The following RNH1 variants were observed in gnomAD, a reference collection of about 807,000 sequenced individuals.
The protein encoded by RNH1 is ribonuclease/angiogenin inhibitor 1.
Under a neutral mutation model 46.1 loss-of-function variants are expected in RNH1, and 38 were observed. The ratio of observed to expected loss-of-function variants is 0.82; its 90% CI spans 0.64 to 1.08. RNH1 has a LOEUF of 1.08. Among genes scored for constraint, RNH1 ranks in the 50% least tolerant of loss-of-function variants. RNH1 has a pLI of 0.00. For missense variants in RNH1, 577 were observed against 590.7 expected (o/e 0.98, Z 0.24); for synonymous variants, 319 against 279.1 (o/e 1.14, Z -1.43).
At chr11:500,114 C>T in intron 4 of RNH1, 115 bp from the exon 5 acceptor site, 5 of 1,232,146 alleles carry the variant, frequency 4.1e-6, no homozygotes, top group Non-Finnish European at 4.4e-6. Flanking sequence ...TATACCTGCT[C>T]CTTCCCTGGA....
intron 9 of RNH1, among the ~76,000 whole-genome samples, chr11:497,727 TCA>T (rs907165969): frequency 6.1e-5 from 9 of 148,572 alleles, no homozygotes; most frequent in Non-Finnish European, 1.2e-4. Context: ...GCCCATGTGC[TCA>T]CACACGGACC....
intron 9 of RNH1, among the ~76,000 whole-genome samples, chr11:495,834 C>T (rs530968871): frequency 5.5e-4 from 83 of 152,280 alleles, no homozygotes; most frequent in African/African-American, 1.8e-3. Context: ...CCAGGGCTCC[C>T]GGGCCTCACT....
rs557796871 is a variant in RNH1 at position 496,350 on chromosome 11, A to G, written c.1128-1297T>C. 2.4e-4 allele frequency among the ~76,000 whole-genome samples: 37 copies of G among 152,290 alleles called. No homozygotes were observed. The South Asian group carries it at 7.5e-3, about 31-fold the overall frequency. On this transcript the variant is annotated intron_variant, in intron 9 of 10. Coordinates refer to ENST00000354420, the MANE Select transcript of RNH1 (RefSeq NM_203387.3). ...ATAGTTCAAGACCAGCCTGCCCAAC[A>G]TGGTGAAACCCCATCTCTACTAAAA... is the stretch of plus-strand genomic sequence containing the variant.
chr11:503,911 T>G (rs1312397544), intron 2 of RNH1, among the ~76,000 whole-genome samples: 1 of 152,084 alleles, frequency 6.6e-6, no homozygotes, highest in African/African-American at 2.4e-5. Flanking sequence ...GAGGACCCCA[T>G]GAAAATGCGG....
chr11:501,099 G>A lies in RNH1; in HGVS notation c.102-445C>T. 3.0e-6 allele frequency: 1 copy of A among 330,068 alleles called. No individual in the cohort carries two copies. Among genetic ancestry groups the A allele is most frequent in the Non-Finnish European group, 5.9e-6 (1 of 168,380 alleles). The allele number at this position is 330,068 out of a possible 1,614,324, so 20.4% of individuals were successfully genotyped here. ...CCATGAGGGAGCCACTCCAGCCTGG[G>A]TGACAGAGCAATGCCCTGTCTCTAA... is the stretch of plus-strand genomic sequence containing the variant. On this transcript the variant is annotated intron_variant, in intron 3 of 10. Transcript: ENST00000354420. This position sits in a 1 kb window ranked among gnomAD's most constrained non-coding sequence, Gnocchi z 4.1.
chr11:497,932 T>G (rs1565021260), intron 9 of RNH1, 39 bp downstream of exon 9: 9 of 1,589,760 alleles, frequency 5.7e-6, no homozygotes, highest in Non-Finnish European at 6.9e-6. Flanking sequence ...GGGCATATGA[T>G]CTCCCAAATG....
intron 3 of RNH1, 192 bp from the exon 4 acceptor site, chr11:500,846 T>C (rs1849687398): frequency 1.3e-6 from 1 of 750,096 alleles, no homozygotes; most frequent in African/African-American, 1.7e-5. Flanking sequence ...TGCTCGCACG[T>C]GGCCAGGCGC....
At position 502,920 on chromosome 11, in the gene RNH1, C is replaced by G. The variant is rs1187546545; in HGVS notation, c.-87-671G>C. 1 of 152,352 alleles carries G rather than the reference C, an allele frequency of 6.6e-6. No homozygotes were observed. Among genetic ancestry groups the G allele is most frequent in the African/African-American group, 2.4e-5 (1 of 41,422 alleles). The allele number at this position is 152,352 out of a possible 1,614,324, so 9.4% of individuals were successfully genotyped here. A position where few individuals can be genotyped will look rare whatever the true frequency, so the allele number is the denominator to read the frequency against. On this transcript the variant is annotated intron_variant, in intron 2 of 10. Transcript: ENST00000354420. The surrounding 1 kb of genome is among the most constrained non-coding windows in gnomAD (Gnocchi z 5.8). Reference sequence around the variant, plus strand: ...ACAGCTGCTACACCCTGAAGCCTCCCCAGGCACAGGCCCTGAATATGGAAG... The same window carrying G: ...ACAGCTGCTACACCCTGAAGCCTCCGCAGGCACAGGCCCTGAATATGGAAG...
Position 502,152 on chromosome 11 carries a change from T to G in RNH1, c.11A>C (p.Asp4Ala). The G allele has an allele frequency of 6.3e-7, 1 of 1,598,676 alleles. No homozygotes were observed. Among genetic ancestry groups the G allele is most frequent in the Non-Finnish European group, 8.5e-7 (1 of 1,170,812 alleles). Reference sequence around the variant, plus strand: ...ACACTGGATGTCCAGGCTCTGGATGTCCAGGCTCATGGTGGAGGTGAAGAG... The same window carrying G: ...ACACTGGATGTCCAGGCTCTGGATGGCCAGGCTCATGGTGGAGGTGAAGAG... MSL[D>A]IQSLDIQCEE... Residue 4 changes from aspartate (D) to alanine (A), a missense_variant, in exon 3 of 11, where the codon GAC (aspartate) becomes GCC (alanine). By Grantham distance (126) the Asp-to-Ala change is moderately radical. Coordinates refer to ENST00000354420, the MANE Select transcript of RNH1 (RefSeq NM_203387.3). This position sits in a 1 kb window ranked among gnomAD's most constrained non-coding sequence, Gnocchi z 5.8.
chr11:498,673 G>A (rs761051871), intron 7 of RNH1, 46 bp from the exon 8 acceptor site: 2 of 1,605,482 alleles, frequency 1.2e-6, no homozygotes, highest in Non-Finnish European at 1.7e-6. Context: ...ACCGTCTCAT[G>A]GCCTGAGATG....
In RNH1 at chr11:501,954, T is replaced by C. The variant is rs1268045697; in HGVS notation, c.101+108A>G. The C allele has an allele frequency of 5.8e-6, 4 of 688,580 alleles. No individual in the cohort carries two copies. The highest frequency in any genetic ancestry group is 1.0e-5 in the Non-Finnish European group (4 of 389,524). The allele number at this position is 688,580 out of a possible 1,614,324, so 42.7% of individuals were successfully genotyped here. A position where few individuals can be genotyped will look rare whatever the true frequency, so the allele number is the denominator to read the frequency against. Reference sequence around the variant, plus strand: ...CGTGGTAGCTGCACAGAATTCATACTTCATGTCCACAAACAAGGCGTTCCA... The same window carrying C: ...CGTGGTAGCTGCACAGAATTCATACCTCATGTCCACAAACAAGGCGTTCCA... On this transcript the variant is annotated intron_variant, in intron 3 of 10. Coordinates refer to ENST00000354420, the MANE Select transcript of RNH1 (RefSeq NM_203387.3). The surrounding 1 kb of genome is among the most constrained non-coding windows in gnomAD (Gnocchi z 4.1).
chr11:497,840 C>T, intron 9 of RNH1, 131 bp downstream of exon 9: 2 of 1,128,774 alleles, frequency 1.8e-6, no homozygotes, highest in Non-Finnish European at 2.5e-6. Flanking sequence ...CTCACACTCG[C>T]CTCACCCATG....
At chr11:504,697 AGCC>A (rs1850105533) in intron 2 of RNH1, 124 bp downstream of exon 2, 1 of 152,320 alleles carries the variant, frequency 6.6e-6, no homozygotes, top group Admixed American at 6.5e-5. Flanking sequence ...TCCACCGTAC[AGCC>A]GCCTTCCCCC....
intron 2 of RNH1, chr11:503,420 G>C (rs1403245264): frequency 6.6e-6 from 1 of 152,348 alleles, no homozygotes; most frequent in Non-Finnish European, 1.5e-5. Flanking sequence ...GTACCAACTG[G>C]GAGGAAAGAC....
rs778180719 is a variant in RNH1, at chr11:498,439, C to T, written c.956+18G>A. The T allele has an allele frequency of 5.6e-6, 9 of 1,610,232 alleles. 1 individual carries two copies. Among genetic ancestry groups the T allele is most frequent in the Middle Eastern group, 3.3e-4 (2 of 6,082 alleles). ...CCTCTCTTGGGCGACAGGGCCCTGCCCCGACAGCCACACTCACCACAGCGA... is the reference window on the plus strand; with the variant it reads ...CCTCTCTTGGGCGACAGGGCCCTGCTCCGACAGCCACACTCACCACAGCGA... On this transcript the variant is annotated intron_variant, in intron 8 of 10. Coordinates refer to ENST00000354420, the MANE Select transcript of RNH1 (RefSeq NM_203387.3).
At position 501,686 on chromosome 11, in the gene RNH1, C is replaced by A; in HGVS notation, c.101+376G>T. 4.2e-6 allele frequency: 1 copy of A among 235,922 alleles called. No individual in the cohort carries two copies. Among genetic ancestry groups the A allele is most frequent in the Non-Finnish European group, 8.4e-6 (1 of 119,566 alleles). The allele number at this position is 235,922 out of a possible 1,614,324, so 14.6% of individuals were successfully genotyped here. ...TTGTGAGGACCTCGAGGGCCGAGGACTCCCAGCCCCCAGCTTGGCAGGGAC... is the reference window on the plus strand; with the variant it reads ...TTGTGAGGACCTCGAGGGCCGAGGAATCCCAGCCCCCAGCTTGGCAGGGAC... On this transcript the variant is annotated intron_variant, in intron 3 of 10. Coordinates refer to ENST00000354420, the MANE Select transcript of RNH1 (RefSeq NM_203387.3). The surrounding 1 kb of genome is among the most constrained non-coding windows in gnomAD (Gnocchi z 4.1).
chr11:499,160 C>T lies in RNH1; in HGVS notation c.469G>A (p.Ala157Thr), dbSNP rs1219823177. ...ACGGAGGCCAGGGGCTCGCAGCTGG[C>T]AGCCGAGAGGCTGCAATACTCCAGC... The part of the protein sequence containing the change: ...LQLEYCSLSA[A>T]SCEPLASVLR... Residue 157 changes from alanine to threonine, a missense_variant, in exon 6 of 11, where the codon GCC becomes ACC. Coordinates refer to ENST00000354420, the MANE Select transcript of RNH1 (RefSeq NM_203387.3). 6 of 1,612,860 alleles carry T rather than the reference C, an allele frequency of 3.7e-6. No individual in the cohort carries two copies. In the East Asian group the frequency reaches 1.3e-4, roughly 36 times the overall value.
In RNH1 at chr11:498,922, C is replaced by T. The variant is rs142344675; in HGVS notation, c.626G>A (p.Cys209Tyr). 66 of 1,612,388 alleles carry T rather than the reference C, an allele frequency of 4.1e-5. No individual in the cohort carries two copies. The highest frequency in any genetic ancestry group is 5.0e-5 in the Non-Finnish European group (59 of 1,179,724). The change falls in exon 7 of 11, where the codon TGC (cysteine) becomes TAC (tyrosine). Residue 209 changes from cysteine (C) to tyrosine (Y), a missense_variant. By Grantham distance (194) the Cys-to-Tyr change is radical. Coordinates refer to ENST00000354420, the MANE Select transcript of RNH1 (RefSeq NM_203387.3). ...CCGGCAGTTGTCTGATGTCACACCG[C>T]AGCTCTCCAGCCTGGGGACACGGGT... ...CQLEALKLES[C>Y]GVTSDNCRDL...
chr11:498,748 G>T lies in RNH1; in HGVS notation c.785+15C>A. On this transcript the variant is annotated intron_variant, in intron 7 of 10. Coordinates refer to ENST00000354420, the MANE Select transcript of RNH1 (RefSeq NM_203387.3). The stretch of plus-strand genomic sequence containing the variant: ...CCCGACCCTCCGGGAAGGAGGCCTC[G>T]CGGAGATGACTCACCACAGGGTCCT... The T allele has an allele frequency of 1.3e-6, 2 of 1,592,294 alleles. No individual in the cohort carries two copies. The highest frequency in any genetic ancestry group is 8.5e-7 in the Non-Finnish European group (1 of 1,172,112).
Sources: gnomAD v4.1 joint callset for allele counts (sites outside exome capture counted in the v4.1 genomes callset) on GRCh38, gnomAD v4.1.1 for gene constraint, Gnocchi (gnomAD v3.1) non-coding constraint, MANE v1.5 for transcripts, NCBI Gene and HGNC (gene_info 2026-07-23, HGNC 2026-07-21) for gene names.